Variants in PDE4D observed in about 807,000 individuals in gnomAD.
PDE4D encodes the protein phosphodiesterase 4D, also known as 3',5'-cyclic-AMP phosphodiesterase 4D.
A neutral mutation model predicts 87.4 loss-of-function variants in PDE4D; 24 were observed. The observed-to-expected ratio is 0.27, with a 90% CI of 0.20 to 0.39. The LOEUF (loss-of-function observed/expected upper bound fraction) is 0.39, where lower values mean the gene tolerates loss of function less well. Ranked by LOEUF, PDE4D falls within the 10% of genes least tolerant of loss-of-function variation. The pLI, the probability that PDE4D is intolerant of heterozygous loss-of-function variation, is 1.00. For synonymous variants in PDE4D, 384 were observed against 383.2 expected, an observed-to-expected ratio of 1.00 and a Z score of -0.02; for missense variants, 714 against 1,041.0, an observed-to-expected ratio of 0.69 and a Z score of 4.32.
chr5:60,161,732 T>C (rs1782489635), intron 2 of PDE4D, among the ~76,000 whole-genome samples: 1 of 152,112 alleles, frequency 6.6e-6, no homozygotes, highest in African/African-American at 2.4e-5. Flanking sequence ...TTTTAATATG[T>C]TTCTAATAAT....
intron 1 of PDE4D, among the ~76,000 whole-genome samples, chr5:60,383,528 T>C (rs1314452802): frequency 2.0e-5 from 3 of 152,198 alleles, no homozygotes; most frequent in African/African-American, 7.2e-5. Context: ...TCCCAGAATA[T>C]TAAAACTAAG....
At chr5:60,421,248 C>G (rs1743070909) in intron 1 of PDE4D, among the ~76,000 whole-genome samples, 1 of 152,196 alleles carries the variant, frequency 6.6e-6, no homozygotes, top group Non-Finnish European at 1.5e-5. Context: ...GGTCCCTGAC[C>G]CCCACATAGC....
chr5:60,080,810 T>C (rs1419636732), intron 2 of PDE4D, among the ~76,000 whole-genome samples: 2 of 152,210 alleles, frequency 1.3e-5, no homozygotes, highest in African/African-American at 2.4e-5. Context: ...TTCGCATGGA[T>C]GTTCATCAGG....
intron 1 of PDE4D, among the ~76,000 whole-genome samples, chr5:59,875,644 C>A (rs935677447): frequency 6.6e-6 from 1 of 151,870 alleles, no homozygotes; most frequent in Admixed American, 6.6e-5. Context: ...TTTAGGTGTT[C>A]TTTCTGATGC....
intron 1 of PDE4D, among the ~76,000 whole-genome samples, chr5:60,326,264 G>A (rs1359774332): frequency 6.6e-6 from 1 of 152,084 alleles, no homozygotes; most frequent in Non-Finnish European, 1.5e-5. Flanking sequence ...CAGAGTGCCT[G>A]TACTATTTTA....
chr5:59,174,848 T>C (rs900484619), intron 5 of PDE4D, among the ~76,000 whole-genome samples: 12 of 152,184 alleles, frequency 7.9e-5, no homozygotes, highest in Admixed American at 7.9e-4. Context: ...CCTCTCTCAC[T>C]AGGTCTCAGT....
At chr5:59,272,259 A>T (rs1407985239) in intron 1 of PDE4D, among the ~76,000 whole-genome samples, 2 of 152,076 alleles carry the variant, frequency 1.3e-5, no homozygotes, top group Non-Finnish European at 2.9e-5. Flanking sequence ...TTGTAAGACT[A>T]ATAATGTTTT....
chr5:59,093,385 C>A (rs1278384355), intron 5 of PDE4D, among the ~76,000 whole-genome samples: 3 of 152,166 alleles, frequency 2.0e-5, no homozygotes, highest in Admixed American at 6.5e-5. Flanking sequence ...GGCACTGTAG[C>A]AAACTAGGAG....
intron 2 of PDE4D, among the ~76,000 whole-genome samples, chr5:60,180,676 C>T (rs1784309676): frequency 6.6e-6 from 1 of 152,066 alleles, no homozygotes; most frequent in South Asian, 2.1e-4. Context: ...ATTTGTAGAA[C>T]TTTGTAAAGA....
intron 1 of PDE4D, among the ~76,000 whole-genome samples, chr5:59,834,472 T>C (rs147486122): frequency 1.8e-4 from 28 of 152,174 alleles, no homozygotes; most frequent in Non-Finnish European, 3.5e-4. Flanking sequence ...CAGGGAACCA[T>C]TTAAAATGGA....
intron 1 of PDE4D, among the ~76,000 whole-genome samples, chr5:59,391,151 A>AT (rs1203936220): frequency 2.0e-5 from 3 of 152,122 alleles, no homozygotes; most frequent in Non-Finnish European, 4.4e-5. Flanking sequence ...CTCTGTCTTG[A>AT]TTCTCAATCT....
intron 1 of PDE4D, among the ~76,000 whole-genome samples, chr5:60,441,940 G>T (rs916405589): frequency 6.6e-6 from 1 of 151,914 alleles, no homozygotes; most frequent in East Asian, 1.9e-4. Context: ...TCAGGAAACA[G>T]CAGATGCTGG....
At chr5:59,597,652 T>A (rs1443741016) in intron 1 of PDE4D, among the ~76,000 whole-genome samples, 2 of 152,140 alleles carry the variant, frequency 1.3e-5, no homozygotes, top group African/African-American at 4.8e-5. Flanking sequence ...TTCAGATAAA[T>A]TTTTTCAAAT....
chr5:59,159,136 C>T (rs955928660), intron 5 of PDE4D, among the ~76,000 whole-genome samples: 1 of 152,238 alleles, frequency 6.6e-6, no homozygotes, highest in East Asian at 1.9e-4. Context: ...TCTTACGATA[C>T]TCTGTGGTAC....
chr5:59,761,546 AT>A (rs924265760), intron 1 of PDE4D, among the ~76,000 whole-genome samples: 5 of 151,486 alleles, frequency 3.3e-5, no homozygotes, highest in African/African-American at 9.7e-5. Flanking sequence ...TTTATTTTTA[AT>A]TTTTTTTTAC....
At chr5:59,173,187 A>G (rs563370438) in intron 5 of PDE4D, among the ~76,000 whole-genome samples, 2 of 152,328 alleles carry the variant, frequency 1.3e-5, no homozygotes, top group East Asian at 1.9e-4. Context: ...TTCAGACAAG[A>G]GAGACACAAT....
intron 5 of PDE4D, among the ~76,000 whole-genome samples, chr5:59,136,627 G>A (rs1266466946): frequency 6.6e-6 from 1 of 152,076 alleles, no homozygotes; most frequent in Non-Finnish European, 1.5e-5. Flanking sequence ...AAATTACAAA[G>A]AGCTTGGTGC....
At chr5:60,005,163 A>T (rs1318680197) in intron 2 of PDE4D, among the ~76,000 whole-genome samples, 5 of 152,148 alleles carry the variant, frequency 3.3e-5, no homozygotes, top group African/African-American at 1.2e-4. Context: ...AACATGGATA[A>T]ACCTGGAGGA....
chr5:60,424,032 A>G (rs37698), intron 1 of PDE4D, among the ~76,000 whole-genome samples: 62,893 of 151,992 alleles, frequency 0.41, 14,210 homozygotes, highest in South Asian at 0.59. Flanking sequence ...CTCTGAAATT[A>G]AGGCAATAAT....
Sources: gnomAD v4.1 joint callset for allele counts (sites outside exome capture counted in the v4.1 genomes callset) on GRCh38, gnomAD v4.1.1 for gene constraint, MANE v1.5 for transcripts, NCBI Gene and HGNC (gene_info 2026-07-23, HGNC 2026-07-21) for gene names.